Variants in CNTNAP3 observed in about 807,000 individuals in gnomAD.
CNTNAP3 encodes contactin associated protein family member 3.
A neutral mutation model predicts 92.1 loss-of-function variants in CNTNAP3; 36 were observed. The ratio of observed to expected loss-of-function variants is 0.39; its 90% CI spans 0.30 to 0.52. CNTNAP3 has a LOEUF of 0.52. CNTNAP3 is among the 20% of genes least tolerant of loss of function. The pLI is 0.76. For missense variants in CNTNAP3, 534 were observed against 1,069.6 expected (o/e 0.50, Z 6.98); for synonymous variants, 232 against 422.3 (o/e 0.55, Z 5.53).
chr9:39,097,641 A>G, intron 18 of CNTNAP3, among the ~76,000 whole-genome samples: 1 of 150,782 alleles, frequency 6.6e-6, no homozygotes, highest in South Asian at 2.1e-4. Context: ...CTGGCACCCA[A>G]TCTTGGGGTA....
intron 13 of CNTNAP3, among the ~76,000 whole-genome samples, chr9:39,131,931 C>T (rs1045944929): frequency 2.0e-5 from 3 of 151,228 alleles, no homozygotes; most frequent in African/African-American, 7.4e-5. Context: ...CTTCAGATGA[C>T]AGTCATACAC....
intron 17 of CNTNAP3, 102 bp downstream of exon 17, chr9:39,102,395 T>C (rs1826484989): frequency 6.5e-7 from 1 of 1,546,982 alleles, no homozygotes; most frequent in South Asian, 1.2e-5. Context: ...TAAGCAGTAG[T>C]TGTTGTTGGC....
Position 39,079,686 on chromosome 9 carries a change from TTTTA to T in CNTNAP3, c.3443-770_3443-767del, listed in dbSNP as rs1233670297. 2.5e-5 allele frequency among the ~76,000 whole-genome samples: 3 copies of T among 121,696 alleles called. 1 individual carries two copies. Among genetic ancestry groups the T allele is most frequent in the Non-Finnish European group, 4.9e-5 (3 of 61,006 alleles). 79.8% of individuals were successfully genotyped at this position (121,696 alleles called of 152,430 possible). On this transcript the variant is annotated intron_variant, in intron 21 of 23. Coordinates refer to ENST00000297668, the MANE Select transcript of CNTNAP3 (RefSeq NM_033655.5). ...TATTTCACATTATTTCTTTTTTTCC[TTTTA>T]TTTTGCTGGTTTAATCAGTTTCCTT...
rs1825528862 is a variant in CNTNAP3, at chr9:39,067,252, A to G, written c.*6638T>C. Among the ~76,000 whole-genome samples the G allele has an allele frequency of 6.6e-6, 1 of 152,312 alleles. No individual in the cohort carries two copies. The highest frequency in any genetic ancestry group is 1.5e-5 in the Non-Finnish European group (1 of 68,058). The stretch of plus-strand genomic sequence containing the variant: ...TTTGAAAATACGGAATATAGTCATA[A>G]TATTTTTCATTAGTAATTCTAACAT... On this transcript the variant is annotated 3_prime_UTR_variant, in exon 24 of 24. Transcript: ENST00000297668.
intron 18 of CNTNAP3, among the ~76,000 whole-genome samples, chr9:39,091,171 C>CTTTTTTTTT (rs201329360): frequency 5.1e-4 from 65 of 128,314 alleles, no homozygotes; most frequent in East Asian, 2.6e-3. Flanking sequence ...TTTTCTTCTT[C>CTTTTTTTTT]TTTTTTTTTT....
intron 13 of CNTNAP3, among the ~76,000 whole-genome samples, chr9:39,125,058 CAT>C (rs1243267623): frequency 6.6e-6 from 1 of 152,068 alleles, no homozygotes; most frequent in Non-Finnish European, 1.5e-5. Flanking sequence ...CACATGCACA[CAT>C]ATGTTTACTG....
chr9:39,106,558 G>T (rs1826610561), intron 15 of CNTNAP3: 1 of 152,032 alleles, frequency 6.6e-6, no homozygotes, highest in African/African-American at 2.4e-5. Flanking sequence ...AAAGAGAAGG[G>T]AATATTTCAA....
chr9:39,074,825 G>A (rs1435396097), intron 23 of CNTNAP3, among the ~76,000 whole-genome samples: 4 of 152,180 alleles, frequency 2.6e-5, no homozygotes, highest in Admixed American at 2.0e-4. Flanking sequence ...CTGGAGTGCA[G>A]TGGCGCGATC....
intron 18 of CNTNAP3, among the ~76,000 whole-genome samples, chr9:39,096,692 C>T (rs1564071769): frequency 6.6e-6 from 1 of 151,518 alleles, no homozygotes; most frequent in African/African-American, 2.4e-5. Context: ...TTTCTTTCAT[C>T]TCTTTGAATA....
At position 39,076,794 on chromosome 9, in the gene CNTNAP3, C is replaced by G. The variant is rs1825781105; in HGVS notation, c.3745+1591G>C. ...CCATTCTGGCTAACACGGTGAAACCCCGTCTCTACTAAAAATATAAAAAAT... is the reference window on the plus strand; with the variant it reads ...CCATTCTGGCTAACACGGTGAAACCGCGTCTCTACTAAAAATATAAAAAAT... On this transcript the variant is annotated intron_variant, in intron 23 of 23. Coordinates refer to ENST00000297668, the MANE Select transcript of CNTNAP3 (RefSeq NM_033655.5). 3.3e-5 allele frequency among the ~76,000 whole-genome samples: 5 copies of G among 152,408 alleles called. No homozygotes were observed. In the South Asian group the frequency reaches 1.0e-3, roughly 32 times the overall value.
chr9:39,076,622 G>A (rs1184493770), intron 23 of CNTNAP3, among the ~76,000 whole-genome samples: 1 of 152,306 alleles, frequency 6.6e-6, no homozygotes, highest in East Asian at 1.9e-4. Context: ...AACACAACTA[G>A]TTTACTCTTG....
intron 10 of CNTNAP3, among the ~76,000 whole-genome samples, chr9:39,148,099 G>A (rs1323355831): frequency 6.6e-6 from 1 of 151,828 alleles, no homozygotes; most frequent in Admixed American, 6.6e-5. Context: ...TGAGCAAATG[G>A]CCAGAAACCT....
chr9:39,170,357 AC>A (rs1469662644), intron 8 of CNTNAP3, among the ~76,000 whole-genome samples: 1 of 88,996 alleles, frequency 1.1e-5, no homozygotes, highest in Non-Finnish European at 1.9e-5. Context: ...GAGTATGATT[AC>A]CCCCTGGTCT....
chr9:39,086,688 AGTTT>A (rs1267024458), intron 20 of CNTNAP3, 24 bp downstream of exon 20: 1 of 1,603,596 alleles, frequency 6.2e-7, no homozygotes, highest in Non-Finnish European at 8.5e-7. Flanking sequence ...AATATTAGTT[AGTTT>A]GACTTTTGCA....
intron 13 of CNTNAP3, among the ~76,000 whole-genome samples, chr9:39,127,915 T>C (rs1821186722): frequency 6.6e-6 from 1 of 152,124 alleles, no homozygotes; most frequent in Non-Finnish European, 1.5e-5. Flanking sequence ...CTTGGCTCAC[T>C]GCAACCTCTG....
chr9:39,140,037 G>C (rs1272069381), intron 12 of CNTNAP3: 1 of 153,938 alleles, frequency 6.5e-6, no homozygotes, highest in Non-Finnish European at 1.4e-5. Flanking sequence ...GAGCCACCAT[G>C]CCCAGCCCAA....
At position 39,100,026 on chromosome 9, in the gene CNTNAP3, T is replaced by C. The variant is rs966389684; in HGVS notation, c.2880A>G (p.Gly960=). Residue 960 remains glycine (G), a synonymous_variant, in exon 18 of 24, where the codon GGA becomes GGG. Transcript: ENST00000297668. ...VTPGVEPGCA[G]HCSTYGHLCR... ...ACAAGTGTCCATAGGTGCTGCAGTG[T>C]CCTGCACACCCTGGCTCCACTCCTG... 12 of 1,589,508 alleles carry C rather than the reference T, an allele frequency of 7.5e-6. No individual in the cohort carries two copies. The highest frequency in any genetic ancestry group is 9.4e-6 in the Non-Finnish European group (11 of 1,167,650).
chr9:39,112,998 T>G (rs1412366), intron 14 of CNTNAP3, among the ~76,000 whole-genome samples: 29 of 152,314 alleles, frequency 1.9e-4, no homozygotes, highest in African/African-American at 7.0e-4. Context: ...ACTAATTTGA[T>G]GAGAATGTCA....
intron 17 of CNTNAP3, among the ~76,000 whole-genome samples, chr9:39,102,245 A>G (rs1395755402): frequency 6.6e-6 from 1 of 152,306 alleles, no homozygotes. Context: ...GCACCACTGC[A>G]CTCCAGCCTG....
Sources: allele counts gnomAD v4.1 joint callset (sites outside exome capture counted in the v4.1 genomes callset), GRCh38; gene constraint gnomAD v4.1.1; transcripts MANE v1.5; gene names NCBI Gene and HGNC (gene_info 2026-07-23, HGNC 2026-07-21).